DCDC2C: variants seen among roughly 807,000 people sequenced by gnomAD.
The protein encoded by DCDC2C is doublecortin domain containing 2C.
DCDC2C carries 44 observed loss-of-function variants against 45.0 expected under a neutral mutation model. The ratio of observed to expected loss-of-function variants is 0.98; its 90% CI spans 0.77 to 1.26. DCDC2C has a LOEUF of 1.26. Ranked by LOEUF, DCDC2C falls within the 50% of genes most tolerant of loss-of-function variation. The pLI, the probability that DCDC2C is intolerant of heterozygous loss-of-function variation, is 0.00. For synonymous variants in DCDC2C, 187 were observed against 178.8 expected, an observed-to-expected ratio of 1.05 and a Z score of -0.37; for missense variants, 447 against 468.9, an observed-to-expected ratio of 0.95 and a Z score of 0.43.
intron 8 of DCDC2C, among the ~76,000 whole-genome samples, chr2:3,770,610 G>A (rs937791382): frequency 6.6e-6 from 1 of 152,170 alleles, no homozygotes; most frequent in African/African-American, 2.4e-5. Flanking sequence ...CCACTTAAGA[G>A]TTTTCTAGTG....
chr2:3,726,832 C>A (rs970062862), intron 2 of DCDC2C, among the ~76,000 whole-genome samples, 171 bp from the exon 3 acceptor site: 1 of 152,190 alleles, frequency 6.6e-6, no homozygotes, highest in Non-Finnish European at 1.5e-5. Context: ...CCTCCCCCAG[C>A]ACCTGGTCTG....
intron 6 of DCDC2C, among the ~76,000 whole-genome samples, chr2:3,766,154 G>A (rs974377044): frequency 2.0e-5 from 3 of 152,096 alleles, no homozygotes; most frequent in Non-Finnish European, 2.9e-5. Context: ...GGGTCACACC[G>A]TGGGTGGTTC....
At chr2:3,718,708 C>T (rs1668414007) in intron 2 of DCDC2C, among the ~76,000 whole-genome samples, 1 of 152,170 alleles carries the variant, frequency 6.6e-6, no homozygotes, top group Non-Finnish European at 1.5e-5. Context: ...AAGCTCTGTG[C>T]TGGGTGGAGG....
intron 4 of DCDC2C, among the ~76,000 whole-genome samples, chr2:3,750,172 A>G (rs1348623319): frequency 6.6e-6 from 1 of 151,846 alleles, no homozygotes; most frequent in Non-Finnish European, 1.5e-5. Flanking sequence ...ATTGATTTCC[A>G]TGTCTTCCCC....
At chr2:3,812,923 A>T (rs1017693207) in intron 10 of DCDC2C, among the ~76,000 whole-genome samples, 1 of 151,682 alleles carries the variant, frequency 6.6e-6, no homozygotes, top group African/African-American at 2.4e-5. Flanking sequence ...TTCTAATTTG[A>T]TTGCACTGTA....
At chr2:3,772,392 C>T (rs746428424) in intron 8 of DCDC2C, among the ~76,000 whole-genome samples, 9 of 152,324 alleles carry the variant, frequency 5.9e-5, no homozygotes, top group Middle Eastern at 3.4e-3. Flanking sequence ...ATGATCTTTA[C>T]GATTTGTGAT....
At chr2:3,765,834 A>C (rs1669997282) in intron 6 of DCDC2C, among the ~76,000 whole-genome samples, 1 of 152,160 alleles carries the variant, frequency 6.6e-6, no homozygotes, top group Admixed American at 6.5e-5. Flanking sequence ...TGTGAAGGGC[A>C]AGGGAAGGGA....
chr2:3,779,125 C>G (rs1186975601), intron 9 of DCDC2C, among the ~76,000 whole-genome samples: 1 of 152,252 alleles, frequency 6.6e-6, no homozygotes, highest in African/African-American at 2.4e-5. Flanking sequence ...ACTTTCCGCT[C>G]TACTTCCAGT....
chr2:3,823,323 C>T (rs529633246), intron 10 of DCDC2C, among the ~76,000 whole-genome samples: 65 of 151,850 alleles, frequency 4.3e-4, no homozygotes, highest in Non-Finnish European at 8.1e-4. Context: ...AACGTCATTC[C>T]GTTGTGTTCA....
intron 10 of DCDC2C, among the ~76,000 whole-genome samples, chr2:3,798,715 T>G (rs1174864994): frequency 3.9e-5 from 6 of 152,132 alleles, no homozygotes; most frequent in Non-Finnish European, 7.4e-5. Context: ...CTCTTCTGGC[T>G]TGTAGAGTTT....
chr2:3,822,286 C>T (rs1671708703), intron 10 of DCDC2C, among the ~76,000 whole-genome samples: 1 of 152,140 alleles, frequency 6.6e-6, no homozygotes, highest in African/African-American at 2.4e-5. Context: ...ATTACTAATT[C>T]AGTCTCTTTA....
intron 9 of DCDC2C, among the ~76,000 whole-genome samples, chr2:3,780,399 C>T (rs553010952): frequency 5.3e-5 from 8 of 152,288 alleles, no homozygotes; most frequent in Admixed American, 2.6e-4. Flanking sequence ...TGACTTGTTA[C>T]GGAAATCTAC....
intron 10 of DCDC2C, among the ~76,000 whole-genome samples, chr2:3,810,355 C>T (rs1288140159): frequency 6.6e-6 from 1 of 152,160 alleles, no homozygotes; most frequent in African/African-American, 2.4e-5. Context: ...CGATGTTGAA[C>T]TTTTTTCATG....
intron 6 of DCDC2C, among the ~76,000 whole-genome samples, chr2:3,758,814 G>A (rs926667214): frequency 1.3e-5 from 2 of 152,228 alleles, no homozygotes; most frequent in African/African-American, 4.8e-5. Context: ...ACATCTGGCC[G>A]CTAGTGCTGG....
At chr2:3,833,070 C>T (rs1222025786) in intron 10 of DCDC2C, among the ~76,000 whole-genome samples, 3 of 152,202 alleles carry the variant, frequency 2.0e-5, no homozygotes, top group Admixed American at 6.5e-5. Context: ...CCATCCACAT[C>T]CTTTGGCTTG....
chr2:3,832,253 A>G (rs370522549), intron 10 of DCDC2C, among the ~76,000 whole-genome samples: 14 of 152,254 alleles, frequency 9.2e-5, no homozygotes, highest in African/African-American at 3.4e-4. Context: ...CACCTATAGC[A>G]CAAGTTTTCA....
chr2:3,846,642 T>G (rs976400483), intron 10 of DCDC2C, among the ~76,000 whole-genome samples: 10 of 152,224 alleles, frequency 6.6e-5, no homozygotes, highest in Admixed American at 5.9e-4. Flanking sequence ...CGCCTCTAGA[T>G]GATGTTCACA....
intron 4 of DCDC2C, among the ~76,000 whole-genome samples, chr2:3,751,681 T>A (rs1669546750): frequency 6.6e-6 from 1 of 152,180 alleles, no homozygotes; most frequent in Non-Finnish European, 1.5e-5. Flanking sequence ...CTCCTTTCCA[T>A]GCCCCCTGCA....
rs1407475377 is a variant in DCDC2C at position 3,703,873 on chromosome 2, C to T, written c.122C>T (p.Ala41Val). Residue 41 changes from alanine to valine, a missense_variant, in exon 1 of 11, where the codon GCC (alanine) becomes GTC (valine). Coordinates refer to ENST00000399143, the MANE Select transcript of DCDC2C (RefSeq NM_001287444.2). The surrounding 1 kb of genome is among the most constrained non-coding windows in gnomAD (Gnocchi z 4.4). ...TTCGTGCTGTCGCGGCGCCGCGCGG[C>T]CACCTTCGAGGCGCTGCTGGAGCAG... is the stretch of plus-strand genomic sequence containing the variant. ...KKFVLSRRRA[A>V]TFEALLEQLT... 3 of 1,296,268 alleles carry T rather than the reference C, an allele frequency of 2.3e-6. No homozygotes were observed. Among genetic ancestry groups the T allele is most frequent in the Non-Finnish European group, 2.9e-6 (3 of 1,017,346 alleles). 80.3% of individuals were successfully genotyped at this position (1,296,268 alleles called of 1,614,324 possible).
Sources: allele counts gnomAD v4.1 joint callset (sites outside exome capture counted in the v4.1 genomes callset), GRCh38; gene constraint gnomAD v4.1.1; non-coding constraint Gnocchi (gnomAD v3.1); transcripts MANE v1.5; gene names NCBI Gene and HGNC (gene_info 2026-07-23, HGNC 2026-07-21).